Variants in IFT52 observed in about 807,000 individuals in gnomAD.
The protein encoded by IFT52 is intraflagellar transport 52.
IFT52 carries 44 observed loss-of-function variants against 54.4 expected under a neutral mutation model. That is an observed-to-expected ratio of 0.81 (90% confidence interval 0.63 to 1.04). IFT52 has a LOEUF of 1.04. IFT52 is among the 50% of genes least tolerant of loss of function. The pLI is 0.00. For synonymous variants in IFT52, 181 were observed against 185.3 expected (o/e 0.98, Z 0.19); for missense variants, 452 against 523.6 (o/e 0.86, Z 1.33).
intron 6 of IFT52, among the ~76,000 whole-genome samples, chr20:43,607,318 C>T (rs985165178): frequency 4.6e-5 from 7 of 151,588 alleles, no homozygotes; most frequent in Admixed American, 3.3e-4. Flanking sequence ...GGCTGACCCC[C>T]ACCTCCCTCC....
intron 6 of IFT52, among the ~76,000 whole-genome samples, chr20:43,606,434 C>A (rs1204922666): frequency 2.0e-5 from 3 of 151,752 alleles, no homozygotes. Context: ...CCACCACACC[C>A]AGCTAATTTC....
chr20:43,613,779 A>G (rs1983638910), intron 6 of IFT52, 71 bp from the exon 7 acceptor site: 3 of 1,442,330 alleles, frequency 2.1e-6, no homozygotes, highest in African/African-American at 1.4e-5. Flanking sequence ...CTCAAGAAAC[A>G]TTGAGATTAT....
chr20:43,614,489 G>T (rs1053057443), intron 7 of IFT52, among the ~76,000 whole-genome samples: 1 of 151,270 alleles, frequency 6.6e-6, no homozygotes, highest in East Asian at 1.9e-4. Context: ...TGGTCCACCC[G>T]CCTTGGCCTC....
intron 6 of IFT52, among the ~76,000 whole-genome samples, chr20:43,612,826 A>AC (rs1297731711): frequency 6.6e-6 from 1 of 151,974 alleles, no homozygotes; most frequent in Non-Finnish European, 1.5e-5. Context: ...CTTCCCCTAT[A>AC]CCCCCTCCCC....
Position 43,637,268 on chromosome 20 carries a change from CT to C in IFT52, c.1120+26del, listed in dbSNP as rs754046046. On this transcript the variant is annotated intron_variant, in intron 12 of 13. Coordinates refer to ENST00000373030, the MANE Select transcript of IFT52 (RefSeq NM_016004.5). ...TACCAATAAGTGTAAGTTTGGCGAACTTTTTTTTTTTGAGACAGAGTTTCAC... is the reference window on the plus strand; with the variant it reads ...TACCAATAAGTGTAAGTTTGGCGAACTTTTTTTTTTGAGACAGAGTTTCAC... The C allele has an allele frequency of 0.037, 41,016 of 1,108,334 alleles. 29 individuals carry two copies. Among genetic ancestry groups the C allele is most frequent in the South Asian group, 0.046 (2,310 of 50,018 alleles). 68.7% of individuals were successfully genotyped at this position (1,108,334 alleles called of 1,614,324 possible). A position where few individuals can be genotyped will look rare whatever the true frequency, so the allele number is the denominator to read the frequency against.
chr20:43,595,929 A>G (rs920923231), intron 2 of IFT52, among the ~76,000 whole-genome samples: 1 of 152,200 alleles, frequency 6.6e-6, no homozygotes, highest in African/African-American at 2.4e-5. Context: ...ATCAGCAATT[A>G]GGATATTATT....
chr20:43,608,961 T>G (rs1381490910), intron 6 of IFT52, among the ~76,000 whole-genome samples: 1 of 151,616 alleles, frequency 6.6e-6, no homozygotes, highest in Non-Finnish European at 1.5e-5. Flanking sequence ...ATTGGCTGTG[T>G]GCAGTGGCTC....
intron 10 of IFT52, among the ~76,000 whole-genome samples, chr20:43,629,876 G>T (rs1417536564): frequency 6.6e-6 from 1 of 152,150 alleles, no homozygotes; most frequent in Non-Finnish European, 1.5e-5. Flanking sequence ...TACATCTGAG[G>T]ACGCTGAGGC....
chr20:43,604,918 G>A, intron 5 of IFT52, 84 bp from the exon 6 acceptor site: 1 of 1,398,834 alleles, frequency 7.1e-7, no homozygotes, highest in South Asian at 1.2e-5. Flanking sequence ...TCCCACCTTA[G>A]CCTCATACTT....
rs549729901 is a variant in IFT52 at position 43,600,624 on chromosome 20, C to T, written c.208-3136C>T. Among the ~76,000 whole-genome samples, 6 of 152,104 alleles carry T rather than the reference C, an allele frequency of 3.9e-5. No homozygotes were observed. The South Asian group carries it at 1.2e-3, about 32-fold the overall frequency. On this transcript the variant is annotated intron_variant, in intron 3 of 13. Transcript: ENST00000373030. ...TCTCAGTTTACATGGTAGTTGGGTA[C>T]CTCCGAATTCAGTATATGTTAAATC...
Position 43,642,543 on chromosome 20 carries a change from A to G in IFT52, c.1185A>G (p.Lys395=). 2 of 1,614,160 alleles carry G rather than the reference A, an allele frequency of 1.2e-6. No homozygotes were observed. The highest frequency in any genetic ancestry group is 1.7e-6 in the Non-Finnish European group (2 of 1,180,002). The change falls in exon 13 of 14, where the codon AAA becomes AAG. Residue 395 remains lysine, a synonymous_variant. Coordinates refer to ENST00000373030, the MANE Select transcript of IFT52 (RefSeq NM_016004.5). ...KCGDILGVTS[K]LPKDQQDAKH... is the part of the protein sequence containing the mutation. ...GTGATATTCTTGGAGTAACCAGTAA[A>G]CTACCAAAGGACCAACAGGATGCCA...
chr20:43,618,627 G>A (rs1409345084), intron 7 of IFT52, among the ~76,000 whole-genome samples: 6 of 148,318 alleles, frequency 4.0e-5, no homozygotes, highest in African/African-American at 1.2e-4. Context: ...GACTACAGGC[G>A]CATGCCACCA....
chr20:43,597,534 G>A (rs912980587), intron 3 of IFT52, among the ~76,000 whole-genome samples: 4 of 152,178 alleles, frequency 2.6e-5, no homozygotes, highest in African/African-American at 9.6e-5. Flanking sequence ...CTGATGGTGG[G>A]AATGTAAAAT....
intron 10 of IFT52, among the ~76,000 whole-genome samples, chr20:43,626,707 G>T (rs1984746971): frequency 6.6e-6 from 1 of 151,374 alleles, no homozygotes; most frequent in African/African-American, 2.4e-5. Context: ...AAATTATGAT[G>T]CATCTTACCT....
intron 3 of IFT52, among the ~76,000 whole-genome samples, chr20:43,597,832 G>A (rs1982102120): frequency 6.9e-6 from 1 of 144,938 alleles, no homozygotes; most frequent in South Asian, 2.3e-4. Flanking sequence ...AGGCGGAGTT[G>A]CAGCGAGCAG....
intron 9 of IFT52, among the ~76,000 whole-genome samples, chr20:43,621,910 T>C (rs1395963664): frequency 1.3e-5 from 2 of 152,224 alleles, no homozygotes; most frequent in Non-Finnish European, 2.9e-5. Flanking sequence ...TTAATCCTCA[T>C]AACTGCCCTG....
chr20:43,615,530 G>A (rs905095668), intron 7 of IFT52, among the ~76,000 whole-genome samples: 6 of 152,138 alleles, frequency 3.9e-5, no homozygotes, highest in Non-Finnish European at 7.3e-5. Context: ...CGGGCTGGGC[G>A]TGGTGGCTCA....
At chr20:43,638,102 G>A (rs1451766606) in intron 12 of IFT52, among the ~76,000 whole-genome samples, 1 of 152,092 alleles carries the variant, frequency 6.6e-6, no homozygotes, top group Non-Finnish European at 1.5e-5. Flanking sequence ...CACAGCAAAT[G>A]GGTCTGCACA....
In IFT52 at chr20:43,601,556, T is replaced by C. The variant is rs369651623; in HGVS notation, c.208-2204T>C. On this transcript the variant is annotated intron_variant, in intron 3 of 13. Coordinates refer to ENST00000373030, the MANE Select transcript of IFT52 (RefSeq NM_016004.5). ...TCCTTCATGTATCTTTTTCTTAAAA[T>C]GCCAGATGGCCAATAGGACACAGTA... 6.6e-5 allele frequency among the ~76,000 whole-genome samples: 10 copies of C among 152,220 alleles called. No homozygotes were observed. The East Asian group carries it at 7.7e-4, about 12-fold the overall frequency.
Sources: allele counts gnomAD v4.1 joint callset (sites outside exome capture counted in the v4.1 genomes callset), GRCh38; gene constraint gnomAD v4.1.1; transcripts MANE v1.5; gene names NCBI Gene and HGNC (gene_info 2026-07-23, HGNC 2026-07-21).